CDH4: variants seen among roughly 807,000 people sequenced by gnomAD.
CDH4 encodes the protein cadherin 4.
A neutral mutation model predicts 86.0 loss-of-function variants in CDH4; 33 were observed. The observed-to-expected ratio is 0.38, with a 90% confidence interval of 0.29 to 0.51. CDH4 has a LOEUF of 0.51. Among genes scored for constraint, CDH4 ranks in the 20% least tolerant of loss-of-function variants. The probability of loss-of-function intolerance (pLI) is 0.86; values close to 1 mark genes in which losing one functional copy is unlikely to be tolerated. For missense variants in CDH4, 1,114 were observed against 1,307.4 expected, an observed-to-expected ratio of 0.85 and a Z score of 2.28; for synonymous variants, 555 against 549.4, an observed-to-expected ratio of 1.01 and a Z score of -0.14.
At chr20:61,750,766 T>C (rs978841750) in intron 3 of CDH4, among the ~76,000 whole-genome samples, 8 of 152,230 alleles carry the variant, frequency 5.3e-5, no homozygotes, top group African/African-American at 1.9e-4. Flanking sequence ...CTGTACTAAG[T>C]TACTGGGACT....
intron 2 of CDH4, among the ~76,000 whole-genome samples, chr20:61,272,348 G>C (rs950853048): frequency 1.3e-5 from 2 of 152,182 alleles, no homozygotes; most frequent in Non-Finnish European, 2.9e-5. Flanking sequence ...AGATAGGGAG[G>C]CTGCAGTCGC....
At chr20:61,584,201 CCTT>C (rs1416315129) in intron 2 of CDH4, among the ~76,000 whole-genome samples, 15 of 152,266 alleles carry the variant, frequency 9.9e-5, no homozygotes, top group African/African-American at 3.6e-4. Context: ...CTGCTAAACT[CCTT>C]CTAGTGGCTT....
intron 4 of CDH4, among the ~76,000 whole-genome samples, chr20:61,792,638 C>CTGTGTGTGTGTGTGTGTG (rs139135636): frequency 7.3e-5 from 11 of 150,776 alleles, no homozygotes; most frequent in African/African-American, 2.7e-4. Flanking sequence ...TTAGATGATG[C>CTGTGTGTGTGTGTGTGTG]TGTGTGTGTG....
At chr20:61,890,151 TGATG>T (rs1345214794) in intron 7 of CDH4, among the ~76,000 whole-genome samples, 9 of 140,194 alleles carry the variant, frequency 6.4e-5, no homozygotes, top group African/African-American at 5.5e-5. Flanking sequence ...GGATGGTAGA[TGATG>T]GATGGGTGAA....
Position 61,517,841 on chromosome 20 carries a change from AT to A in CDH4, c.170-225719del, listed in dbSNP as rs1221257726. On this transcript the variant is annotated intron_variant, in intron 2 of 15. Coordinates refer to ENST00000614565, the MANE Select transcript of CDH4 (RefSeq NM_001794.5). This position sits in a 1 kb window ranked among gnomAD's most constrained non-coding sequence, Gnocchi z 6.6. ...CATCGTTTTAGCTGAGTTACCTCTT[AT>A]TTCATTTATTCTCAGTTCCGTCCCA... Among the ~76,000 whole-genome samples the A allele has an allele frequency of 1.3e-5, 2 of 152,076 alleles. No homozygotes were observed. The highest frequency in any genetic ancestry group is 1.5e-5 in the Non-Finnish European group (1 of 68,008).
rs1412407494 is a variant in CDH4 at position 61,393,954 on chromosome 20, T to C, written c.169+139017T>C. On this transcript the variant is annotated intron_variant, in intron 2 of 15. Transcript: ENST00000614565. This position sits in a 1 kb window ranked among gnomAD's most constrained non-coding sequence, Gnocchi z 4.3. Reference sequence around the variant, plus strand: ...ATAATGACTGCCCCATATTCTATTATACCAATGTAATCTAATAACATTGCT... The same window carrying C: ...ATAATGACTGCCCCATATTCTATTACACCAATGTAATCTAATAACATTGCT... 6.6e-6 allele frequency among the ~76,000 whole-genome samples: 1 copy of C among 152,206 alleles called. No homozygotes were observed. The highest frequency in any genetic ancestry group is 1.9e-4 in the East Asian group (1 of 5,200).
intron 2 of CDH4, among the ~76,000 whole-genome samples, chr20:61,349,140 G>C (rs766602192): frequency 2.3e-4 from 35 of 152,218 alleles, no homozygotes; most frequent in Admixed American, 5.2e-4. Flanking sequence ...CTGTCTATAT[G>C]GAACATGGGC....
At chr20:61,729,200 C>G (rs1470712738) in intron 2 of CDH4, among the ~76,000 whole-genome samples, 1 of 152,166 alleles carries the variant, frequency 6.6e-6, no homozygotes, top group Non-Finnish European at 1.5e-5. Flanking sequence ...GGATTTGCCA[C>G]TATTATTCTC....
At chr20:61,296,067 G>C (rs1157076543) in intron 2 of CDH4, among the ~76,000 whole-genome samples, 2 of 152,294 alleles carry the variant, frequency 1.3e-5, no homozygotes, top group South Asian at 4.1e-4. Context: ...GTGGGGCAAG[G>C]GGGAGTGGCC....
intron 2 of CDH4, among the ~76,000 whole-genome samples, chr20:61,660,146 G>A (rs543938534): frequency 1.3e-4 from 20 of 152,262 alleles, no homozygotes; most frequent in African/African-American, 4.6e-4. Context: ...CTTGGGTGAC[G>A]TGGCGACCTT....
intron 2 of CDH4, among the ~76,000 whole-genome samples, chr20:61,695,430 G>C (rs1398774275): frequency 6.6e-6 from 1 of 152,218 alleles, no homozygotes; most frequent in African/African-American, 2.4e-5. Context: ...AGCTCAGGTT[G>C]CTCAGGAGAA....
intron 3 of CDH4, among the ~76,000 whole-genome samples, chr20:61,768,800 C>G (rs989095873): frequency 2.0e-5 from 3 of 152,176 alleles, no homozygotes; most frequent in Admixed American, 1.3e-4. Flanking sequence ...ATTTGTCTCA[C>G]AGCTTTAAAA....
chr20:61,312,069 A>G (rs1229603038), intron 2 of CDH4, among the ~76,000 whole-genome samples: 1 of 152,108 alleles, frequency 6.6e-6, no homozygotes, highest in Non-Finnish European at 1.5e-5. Flanking sequence ...TGTGATGTGC[A>G]CATGTGTGGT....
intron 4 of CDH4, 57 bp from the exon 5 acceptor site, chr20:61,844,611 C>T: frequency 2.6e-6 from 4 of 1,537,054 alleles, no homozygotes; most frequent in East Asian, 2.3e-5. Context: ...CAGAGATCGG[C>T]CCCGGGCCTC....
intron 2 of CDH4, among the ~76,000 whole-genome samples, chr20:61,552,252 T>C (rs1042910465): frequency 6.6e-6 from 1 of 152,208 alleles, no homozygotes; most frequent in Admixed American, 6.5e-5. Context: ...CAAGAATATA[T>C]AAAGAACTCT....
chr20:61,383,398 A>T (rs567115772), intron 2 of CDH4, among the ~76,000 whole-genome samples: 1 of 105,038 alleles, frequency 9.5e-6, no homozygotes, highest in Non-Finnish European at 1.8e-5. Flanking sequence ...AATATATGAT[A>T]TATATGAATA....
chr20:61,682,146 G>A (rs1301209939), intron 2 of CDH4, among the ~76,000 whole-genome samples: 1 of 152,184 alleles, frequency 6.6e-6, no homozygotes, highest in Non-Finnish European at 1.5e-5. Context: ...GTGGATAGAG[G>A]GTAGATGGAT....
At chr20:61,822,404 G>A (rs762365006) in intron 4 of CDH4, among the ~76,000 whole-genome samples, 32 of 152,090 alleles carry the variant, frequency 2.1e-4, no homozygotes, top group Non-Finnish European at 4.0e-4. Flanking sequence ...TTTTTATTAT[G>A]GTGCTAAAAT....
intron 2 of CDH4, among the ~76,000 whole-genome samples, chr20:61,547,561 G>A (rs2086097773): frequency 7.2e-6 from 1 of 139,760 alleles, no homozygotes; most frequent in African/African-American, 2.6e-5. Context: ...TGAGTCTCCT[G>A]CCACTGTTGA....
Sources: allele counts gnomAD v4.1 joint callset (sites outside exome capture counted in the v4.1 genomes callset), GRCh38; gene constraint gnomAD v4.1.1; non-coding constraint Gnocchi (gnomAD v3.1); transcripts MANE v1.5; gene names NCBI Gene and HGNC (gene_info 2026-07-23, HGNC 2026-07-21).